COBL: variants seen among roughly 807,000 people sequenced by gnomAD.
COBL encodes the protein cordon-bleu WH2 repeat protein.
A neutral mutation model predicts 98.8 loss-of-function variants in COBL; 51 were observed. The ratio of observed to expected loss-of-function variants is 0.52; its 90% CI spans 0.41 to 0.65. COBL has a LOEUF of 0.65. Ranked by LOEUF, COBL falls within the 30% of genes least tolerant of loss-of-function variation. COBL has a pLI of 0.00. For missense variants in COBL, 1,617 were observed against 1,617.5 expected (o/e 1.00, Z 0.01); for synonymous variants, 634 against 651.7 (o/e 0.97, Z 0.41).
At chr7:51,205,774 G>C (rs560687300) in intron 2 of COBL, among the ~76,000 whole-genome samples, 2 of 151,850 alleles carry the variant, frequency 1.3e-5, no homozygotes, top group Admixed American at 6.6e-5. Flanking sequence ...AGAGAGAAGT[G>C]CAATCTATGG....
At chr7:51,278,048 G>A (rs974558886) in intron 1 of COBL, among the ~76,000 whole-genome samples, 2 of 152,138 alleles carry the variant, frequency 1.3e-5, no homozygotes, top group African/African-American at 2.4e-5. Context: ...CCCTAGGGAC[G>A]TCTCAACTAC....
chr7:51,193,158 AT>A (rs1790277628), intron 3 of COBL, among the ~76,000 whole-genome samples: 3 of 152,220 alleles, frequency 2.0e-5, no homozygotes, highest in Admixed American at 6.5e-5. Flanking sequence ...CTCTTCTATA[AT>A]ATATAAAGAA....
chr7:51,037,123 G>T (rs1230410285), intron 8 of COBL, among the ~76,000 whole-genome samples: 1 of 152,072 alleles, frequency 6.6e-6, no homozygotes, highest in East Asian at 1.9e-4. Flanking sequence ...ACATATATAT[G>T]TGTCTATTTA....
chr7:51,059,983 G>A (rs1433461373), intron 7 of COBL, among the ~76,000 whole-genome samples: 1 of 152,112 alleles, frequency 6.6e-6, no homozygotes, highest in Non-Finnish European at 1.5e-5. Flanking sequence ...GATTTGTCTT[G>A]AATAAACCCT....
In COBL at chr7:51,017,432, T is replaced by C; in HGVS notation, c.*119A>G. On this transcript the variant is annotated 3_prime_UTR_variant, in exon 13 of 13. Transcript: ENST00000265136. ...CACACCGAAAATCAACTGTGCGCATTTGGCCTGTAGACAAGAAAGTAACAC... is the reference window on the plus strand; with the variant it reads ...CACACCGAAAATCAACTGTGCGCATCTGGCCTGTAGACAAGAAAGTAACAC... 1 of 1,024,840 alleles carries C rather than the reference T, an allele frequency of 9.8e-7. No individual in the cohort carries two copies. The highest frequency in any genetic ancestry group is 1.5e-6 in the Non-Finnish European group (1 of 650,340). 63.5% of individuals were successfully genotyped at this position (1,024,840 alleles called of 1,614,324 possible).
intron 1 of COBL, among the ~76,000 whole-genome samples, chr7:51,283,833 G>A (rs1014697731): frequency 6.6e-6 from 1 of 151,900 alleles, no homozygotes; most frequent in African/African-American, 2.4e-5. Flanking sequence ...TTAGACCCAG[G>A]TGGTTTCACT....
chr7:51,110,480 T>C (rs1454610824), intron 6 of COBL, among the ~76,000 whole-genome samples: 1 of 152,276 alleles, frequency 6.6e-6, no homozygotes, highest in African/African-American at 2.4e-5. Context: ...CTATTGTGTA[T>C]ATATACCACA....
chr7:51,255,269 T>C (rs189671594), intron 1 of COBL, among the ~76,000 whole-genome samples: 1 of 152,336 alleles, frequency 6.6e-6, no homozygotes, highest in Admixed American at 6.5e-5. Context: ...GAGGCACTGC[T>C]GGGCAGTGTC....
intron 5 of COBL, among the ~76,000 whole-genome samples, chr7:51,159,039 T>C (rs1786499638): frequency 6.6e-6 from 1 of 152,136 alleles, no homozygotes. Context: ...CACTTCCTTT[T>C]TTTAAGAACC....
chr7:51,207,731 G>A (rs1186060812), intron 2 of COBL, among the ~76,000 whole-genome samples: 4 of 152,278 alleles, frequency 2.6e-5, no homozygotes, highest in Non-Finnish European at 5.9e-5. Flanking sequence ...TTCACTCAGT[G>A]CTCAATGGTG....
chr7:51,192,169 C>T (rs1312973064), intron 3 of COBL, among the ~76,000 whole-genome samples: 1 of 152,166 alleles, frequency 6.6e-6, no homozygotes, highest in Non-Finnish European at 1.5e-5. Flanking sequence ...AATGCACTAA[C>T]CAATCAATCC....
chr7:51,260,299 TATAG>T (rs1797602770), intron 1 of COBL: 1 of 470,446 alleles, frequency 2.1e-6, no homozygotes, highest in African/African-American at 2.0e-5. Flanking sequence ...CTATCTCATT[TATAG>T]AACAGGATAA....
In COBL at chr7:51,136,240, GAC is replaced by G; in HGVS notation, c.873_874del (p.Ser292ArgfsTer35). The G allele has an allele frequency of 6.2e-7, 1 of 1,613,868 alleles. No individual in the cohort carries two copies. On this transcript the variant is annotated frameshift_variant, in exon 6 of 13. Coordinates refer to ENST00000265136, the MANE Select transcript of COBL (RefSeq NM_015198.5). LOFTEE classifies it high-confidence loss of function. Reference sequence around the variant, plus strand: ...GCGCTTCTTCATCTCCGACTTCACGGACACCCCTGAGATGCTGCCCAGCGAGA... The same window carrying G: ...GCGCTTCTTCATCTCCGACTTCACGGACCCCTGAGATGCTGCCCAGCGAGA...
chr7:51,172,459 C>G, intron 5 of COBL: 1 of 1,288,476 alleles, frequency 7.8e-7, no homozygotes. Flanking sequence ...TACTCACGTT[C>G]AAACCCCTTC....
chr7:51,174,235 C>A (rs775569527), intron 5 of COBL, among the ~76,000 whole-genome samples: 1 of 152,244 alleles, frequency 6.6e-6, no homozygotes. Context: ...GCACTATGCT[C>A]GGCTTGGAGC....
At position 51,016,836 on chromosome 7, in the gene COBL, C is replaced by A; in HGVS notation, c.*715G>T. ...CACTCCAGTGGTGGTGTGACCTCAG[C>A]CACCCGCCACCCTTGCAGGACTCGG... On this transcript the variant is annotated 3_prime_UTR_variant, in exon 13 of 13. Coordinates refer to ENST00000265136, the MANE Select transcript of COBL (RefSeq NM_015198.5). 2.5e-6 allele frequency: 1 copy of A among 397,998 alleles called. No homozygotes were observed. The highest frequency in any genetic ancestry group is 4.4e-6 in the Non-Finnish European group (1 of 226,064). The allele number at this position is 397,998 out of a possible 1,614,324, so 24.7% of individuals were successfully genotyped here. A position where few individuals can be genotyped will look rare whatever the true frequency, so the allele number is the denominator to read the frequency against.
At chr7:51,219,377 TC>T (rs1253174077) in intron 2 of COBL, among the ~76,000 whole-genome samples, 1 of 152,158 alleles carries the variant, frequency 6.6e-6, no homozygotes, top group Non-Finnish European at 1.5e-5. Flanking sequence ...CCTGGCTGCG[TC>T]CCTTCAGAGC....
intron 7 of COBL, among the ~76,000 whole-genome samples, chr7:51,080,456 T>G (rs1424395860): frequency 1.3e-5 from 2 of 152,118 alleles, no homozygotes; most frequent in African/African-American, 4.8e-5. Flanking sequence ...GGGTGATGGA[T>G]GAAGCAAAGA....
In COBL at chr7:51,078,244, T is replaced by C. The variant is rs149584627; in HGVS notation, c.1096+6922A>G. Among the ~76,000 whole-genome samples, 20 of 152,262 alleles carry C rather than the reference T, an allele frequency of 1.3e-4. No individual in the cohort carries two copies. In the East Asian group the frequency reaches 3.9e-3, roughly 29 times the overall value. On this transcript the variant is annotated intron_variant, in intron 7 of 12. Transcript: ENST00000265136. The stretch of plus-strand genomic sequence containing the variant: ...ATGAAATATGAGAGGAACTCTTTAG[T>C]GGGGGCTTTCTGGGAAAGGTTTCCT...
Sources: allele counts gnomAD v4.1 joint callset (sites outside exome capture counted in the v4.1 genomes callset), GRCh38; gene constraint gnomAD v4.1.1; transcripts MANE v1.5; gene names NCBI Gene and HGNC (gene_info 2026-07-23, HGNC 2026-07-21).